Variants in RNF169 observed in about 807,000 individuals in gnomAD.
The protein encoded by RNF169 is ring finger protein 169, also known as E3 ubiquitin-protein ligase RNF169.
A neutral mutation model predicts 53.9 loss-of-function variants in RNF169; 24 were observed. The observed-to-expected ratio is 0.45, with a 90% confidence interval of 0.32 to 0.63. RNF169 has a LOEUF of 0.63. Among genes scored for constraint, RNF169 ranks in the 20% least tolerant of loss-of-function variants. The pLI, the probability that RNF169 is intolerant of heterozygous loss-of-function variation, is 0.04. For missense variants in RNF169, 883 were observed against 906.2 expected (o/e 0.97, Z 0.33); for synonymous variants, 396 against 363.5 (o/e 1.09, Z -1.02).
At position 74,749,374 on chromosome 11, in the gene RNF169, C is replaced by A; in HGVS notation, c.494C>A (p.Ala165Glu). 8.0e-7 allele frequency: 1 copy of A among 1,243,162 alleles called. No individual in the cohort carries two copies. The highest frequency in any genetic ancestry group is 3.6e-5 in the South Asian group (1 of 28,114). The allele number at this position is 1,243,162 out of a possible 1,614,324, so 77.0% of individuals were successfully genotyped here. The change falls in exon 1 of 6, where the codon GCG becomes GAG. Residue 165 changes from alanine to glutamate, a missense_variant. By Grantham distance (107) the Ala-to-Glu change is moderately radical. This residue lies in a region of RNF169 where 313 missense variants were observed against 279.9 expected (regional missense o/e 1.12). Coordinates refer to ENST00000299563, the MANE Select transcript of RNF169 (RefSeq NM_001098638.2). ...RPEQEPRAAP[A>E]EPDFIFRAPI... Reference sequence around the variant, plus strand: ...GAGCAGGAGCCGCGTGCCGCGCCTGCGGAGCCAGGTGGAGCTTCCCCACTT... The same window carrying A: ...GAGCAGGAGCCGCGTGCCGCGCCTGAGGAGCCAGGTGGAGCTTCCCCACTT...
chr11:74,806,627 A>G (rs1431312884), intron 2 of RNF169, among the ~76,000 whole-genome samples: 2 of 152,254 alleles, frequency 1.3e-5, no homozygotes, highest in Non-Finnish European at 2.9e-5. Context: ...ACAAGAAATA[A>G]TAAACTATTT....
At chr11:74,755,706 A>G (rs1303666548) in intron 1 of RNF169, among the ~76,000 whole-genome samples, 1 of 152,232 alleles carries the variant, frequency 6.6e-6, no homozygotes, top group Non-Finnish European at 1.5e-5. Context: ...AAGAGTAGGA[A>G]TTCACCAGAT....
chr11:74,749,919 T>C lies in RNF169; in HGVS notation c.502+537T>C, dbSNP rs138367272. Among the ~76,000 whole-genome samples, 219 of 152,226 alleles carry C rather than the reference T, an allele frequency of 1.4e-3. 1 individual carries two copies. The highest frequency in any genetic ancestry group is 5.0e-3 in the African/African-American group (207 of 41,522). ...AGTTGTTTTCATACATTTTGGAAAA[T>C]GTATGCTTAGCACAGAACTTGGCAC... On this transcript the variant is annotated intron_variant, in intron 1 of 5. Transcript: ENST00000299563.
chr11:74,802,063 T>G (rs545297151), intron 2 of RNF169, among the ~76,000 whole-genome samples: 37 of 152,362 alleles, frequency 2.4e-4, no homozygotes, highest in African/African-American at 8.7e-4. Flanking sequence ...ACTGTATGGT[T>G]CTACAGCGCT....
At chr11:74,776,487 A>G (rs1438617666) in intron 1 of RNF169, among the ~76,000 whole-genome samples, 1 of 143,752 alleles carries the variant, frequency 7.0e-6, no homozygotes, top group Non-Finnish European at 1.5e-5. Flanking sequence ...TGATGCTGTC[A>G]TGAATCTCAT....
chr11:74,788,905 G>A (rs1235795258), intron 1 of RNF169, among the ~76,000 whole-genome samples: 1 of 152,160 alleles, frequency 6.6e-6, no homozygotes, highest in Non-Finnish European at 1.5e-5. Context: ...AGGGGAGAGA[G>A]TGGGCTCAAC....
At chr11:74,795,608 C>G (rs555252602) in intron 2 of RNF169, among the ~76,000 whole-genome samples, 1 of 152,258 alleles carries the variant, frequency 6.6e-6, no homozygotes, top group South Asian at 2.1e-4. Flanking sequence ...TGGCCATAAT[C>G]CCAACACTTT....
In RNF169 at chr11:74,749,166, G is replaced by C. The variant is rs1380908711; in HGVS notation, c.286G>C (p.Ala96Pro). The change falls in exon 1 of 6, where the codon GCC becomes CCC. Residue 96 changes from alanine to proline, a missense_variant. Around this residue, in one of 3 missense-constraint regions of RNF169, gnomAD observed 313 missense variants for 279.9 expected, o/e 1.12. Coordinates refer to ENST00000299563, the MANE Select transcript of RNF169 (RefSeq NM_001098638.2). The stretch of plus-strand genomic sequence containing the variant: ...TTGCCGAGGCTGCGCCCAACGCGCC[G>C]CCGACGCGGCGGGCCCGGGTTGCCC... ...SLCRGCAQRA[A>P]DAAGPGCPRC... 4.0e-6 allele frequency: 5 copies of C among 1,241,106 alleles called. No individual in the cohort carries two copies. The highest frequency in any genetic ancestry group is 5.0e-6 in the Non-Finnish European group (5 of 994,080). 76.9% of individuals were successfully genotyped at this position (1,241,106 alleles called of 1,614,324 possible). A position where few individuals can be genotyped will look rare whatever the true frequency, so the allele number is the denominator to read the frequency against.
intron 3 of RNF169, among the ~76,000 whole-genome samples, chr11:74,811,777 C>T (rs1215968765): frequency 1.3e-5 from 2 of 152,014 alleles, no homozygotes; most frequent in East Asian, 1.9e-4. Flanking sequence ...CATTAGAAAC[C>T]ACAGAGGGCA....
intron 4 of RNF169, 133 bp downstream of exon 4, chr11:74,817,847 TG>T: frequency 1.5e-6 from 1 of 676,234 alleles, no homozygotes; most frequent in South Asian, 1.8e-5. Flanking sequence ...AGGTGGGAAT[TG>T]GTTTTCAAAT....
chr11:74,776,767 A>G (rs2035342183), intron 1 of RNF169, among the ~76,000 whole-genome samples: 1 of 152,212 alleles, frequency 6.6e-6, no homozygotes, highest in African/African-American at 2.4e-5. Context: ...TGAATAGCAA[A>G]TCATAGTGAA....
At chr11:74,791,931 T>G (rs2035585745) in intron 2 of RNF169, among the ~76,000 whole-genome samples, 1 of 152,252 alleles carries the variant, frequency 6.6e-6, no homozygotes, top group South Asian at 2.1e-4. Context: ...CCACTGCAGC[T>G]GGCATCTTCA....
At position 74,754,732 on chromosome 11, in the gene RNF169, T is replaced by A. The variant is rs1009732343; in HGVS notation, c.502+5350T>A. Among the ~76,000 whole-genome samples the A allele has an allele frequency of 2.0e-5, 3 of 152,052 alleles. No individual in the cohort carries two copies. The South Asian group carries it at 6.2e-4, about 32-fold the overall frequency. On this transcript the variant is annotated intron_variant, in intron 1 of 5. Coordinates refer to ENST00000299563, the MANE Select transcript of RNF169 (RefSeq NM_001098638.2). ...GCTACCGGGAGGCTGAGGCAGGAGA[T>A]TCGCTTCAACCCGGGAGGTAGAGGT...
chr11:74,817,782 G>C (rs2035958246), intron 4 of RNF169, 68 bp downstream of exon 4: 2 of 957,556 alleles, frequency 2.1e-6, no homozygotes, highest in African/African-American at 3.2e-5. Context: ...AGGGACTGGG[G>C]GAGCAAAGGT....
intron 1 of RNF169, among the ~76,000 whole-genome samples, chr11:74,777,368 G>A (rs1211741793): frequency 2.6e-5 from 4 of 152,154 alleles, no homozygotes; most frequent in Non-Finnish European, 4.4e-5. Flanking sequence ...CATGGTGGTG[G>A]TAGATGTGGT....
intron 4 of RNF169, chr11:74,831,202 A>G (rs2036172643): frequency 6.6e-6 from 1 of 152,214 alleles, no homozygotes; most frequent in African/African-American, 2.4e-5. Flanking sequence ...GGAAGAAGTA[A>G]GACTATCTCT....
At chr11:74,785,959 T>G (rs2035495094) in intron 1 of RNF169, among the ~76,000 whole-genome samples, 1 of 138,470 alleles carries the variant, frequency 7.2e-6, no homozygotes, top group South Asian at 2.4e-4. Flanking sequence ...TTTTTTTTTT[T>G]GAGACAGAGT....
chr11:74,784,274 C>T (rs1335877055), intron 1 of RNF169, among the ~76,000 whole-genome samples: 2 of 152,138 alleles, frequency 1.3e-5, no homozygotes, highest in Non-Finnish European at 2.9e-5. Context: ...GCCTTCATTT[C>T]TGAGATTGAA....
intron 1 of RNF169, among the ~76,000 whole-genome samples, chr11:74,760,203 T>C (rs1222926775): frequency 1.3e-5 from 2 of 151,650 alleles, no homozygotes; most frequent in Non-Finnish European, 3.0e-5. Flanking sequence ...TTCTCTCTTT[T>C]TTTCTTTATT....
Sources: gnomAD v4.1 joint callset for allele counts (sites outside exome capture counted in the v4.1 genomes callset) on GRCh38, gnomAD v4.1.1 for gene constraint, gnomAD v4.1.1 regional missense constraint, MANE v1.5 for transcripts, NCBI Gene and HGNC (gene_info 2026-07-23, HGNC 2026-07-21) for gene names.